The following SEPSECS variants were observed in gnomAD, a reference collection of about 807,000 sequenced individuals.
The protein encoded by SEPSECS is Sep (O-phosphoserine) tRNA:Sec (selenocysteine) tRNA synthase, also known as O-phosphoseryl-tRNA(Sec) selenium transferase.
A neutral mutation model predicts 52.1 loss-of-function variants in SEPSECS; 42 were observed. That is an observed-to-expected ratio of 0.81 (90% CI 0.63 to 1.04). The LOEUF is 1.04. Among genes scored for constraint, SEPSECS ranks in the 50% least tolerant of loss-of-function variants. SEPSECS has a pLI of 0.00. For missense variants in SEPSECS, 590 were observed against 610.6 expected (o/e 0.97, Z 0.36); for synonymous variants, 216 against 211.4 (o/e 1.02, Z -0.19).
At chr4:25,137,928 A>C (rs925589697) in intron 8 of SEPSECS, among the ~76,000 whole-genome samples, 7 of 152,162 alleles carry the variant, frequency 4.6e-5, no homozygotes, top group African/African-American at 1.7e-4. Context: ...ACATGGATGG[A>C]GCTGGAAGAC....
At chr4:25,126,404 C>T (rs932804560) in intron 9 of SEPSECS, among the ~76,000 whole-genome samples, 3 of 152,116 alleles carry the variant, frequency 2.0e-5, no homozygotes, top group African/African-American at 7.2e-5. Flanking sequence ...CATAAATCAG[C>T]AAAGGACTAA....
intron 8 of SEPSECS, among the ~76,000 whole-genome samples, chr4:25,143,912 C>T (rs1191285785): frequency 6.6e-6 from 1 of 152,182 alleles, no homozygotes; most frequent in Non-Finnish European, 1.5e-5. Flanking sequence ...ACACTGCCTG[C>T]CCTAGCTATA....
rs759782354 is a variant in SEPSECS at position 25,160,293 on chromosome 4, C to T, written c.77G>A (p.Arg26His). 11 of 1,551,924 alleles carry T rather than the reference C, an allele frequency of 7.1e-6. No individual in the cohort carries two copies. The highest frequency in any genetic ancestry group is 9.6e-6 in the Non-Finnish European group (11 of 1,147,472). The part of the protein sequence containing the change: ...AYVRQGCEAR[R>H]SHEHLIRLLL... Reference sequence around the variant, plus strand: ...CAGCCGTATGAGGTGCTCATGCGAGCGGCGGGCCTCACAGCCCTGCCGCAC... The same window carrying T: ...CAGCCGTATGAGGTGCTCATGCGAGTGGCGGGCCTCACAGCCCTGCCGCAC... The change falls in exon 1 of 11, where the codon CGC becomes CAC. Residue 26 changes from arginine (R) to histidine (H), a missense_variant. Physicochemically the swap from Arg to His is conservative, Grantham distance 29. Coordinates refer to ENST00000382103, the MANE Select transcript of SEPSECS (RefSeq NM_016955.4).
intron 9 of SEPSECS, 46 bp downstream of exon 9, chr4:25,127,218 G>T: frequency 8.3e-7 from 1 of 1,201,164 alleles, no homozygotes; most frequent in Non-Finnish European, 1.2e-6. Flanking sequence ...CTTCCTCCTA[G>T]AGTGGATCAT....
rs1475538402 is a variant in SEPSECS, at chr4:25,121,546, C to A, written c.*2385G>T. ...ACTAGCGAATTATAATAAATACATC[C>A]TTTTTAATACTTATGTGTAGAAATG... is the stretch of plus-strand genomic sequence containing the variant. On this transcript the variant is annotated 3_prime_UTR_variant, in exon 11 of 11. Transcript: ENST00000382103. 1 of 152,128 alleles carries A rather than the reference C, an allele frequency of 6.6e-6. No homozygotes were observed. Among genetic ancestry groups the A allele is most frequent in the Non-Finnish European group, 1.5e-5 (1 of 67,992 alleles). The allele number at this position is 152,128 out of a possible 1,614,324, so 9.4% of individuals were successfully genotyped here.
rs1460803878 is a variant in SEPSECS at position 25,156,046 on chromosome 4, T to G, written c.538A>C (p.Ile180Leu). 2 of 1,613,704 alleles carry G rather than the reference T, an allele frequency of 1.2e-6. No homozygotes were observed. Among genetic ancestry groups the G allele is most frequent in the African/African-American group, 2.7e-5 (2 of 75,052 alleles). The change falls in exon 4 of 11, where the codon ATC (isoleucine) becomes CTC (leucine). Residue 180 changes from isoleucine (I) to leucine (L), a missense_variant. Ile to Leu is a conservative substitution (Grantham distance 5). Transcript: ENST00000382103. The stretch of plus-strand genomic sequence containing the variant: ...ATGACACTTCTCTTACCTGCAGTGA[T>G]CATGGATTTAAAGCAGGACTTCTGG... ...IDQKSCFKSM[I>L]TAGFEPVVIE...
At chr4:25,155,265 G>GAAGA in intron 4 of SEPSECS, 114 bp from the exon 5 acceptor site, 1 of 1,161,458 alleles carries the variant, frequency 8.6e-7, no homozygotes, top group Non-Finnish European at 1.2e-6. Context: ...TATTTTGGTA[G>GAAGA]ATTAACCTTC....
intron 3 of SEPSECS, among the ~76,000 whole-genome samples, chr4:25,156,500 C>G (rs1016888971): frequency 5.3e-5 from 8 of 151,394 alleles, no homozygotes; most frequent in Non-Finnish European, 8.8e-5. Context: ...GTCAGGAGAT[C>G]GAGACCATCC....
rs1712699827 is a variant in SEPSECS, at chr4:25,156,970, T to C, written c.274A>G (p.Ile92Val). ...TCACCGGATCGTCCAATGCCATGAA[T>C]GAACCTAAGCAAAAAATGGGCCAAA... ...ALVARRHYRF[I>V]HGIGRSGDIS... The change falls in exon 3 of 11, where the codon ATT becomes GTT. Residue 92 changes from isoleucine to valine, a missense_variant. By Grantham distance (29) the Ile-to-Val change is conservative. Coordinates refer to ENST00000382103, the MANE Select transcript of SEPSECS (RefSeq NM_016955.4). 1 of 1,591,402 alleles carries C rather than the reference T, an allele frequency of 6.3e-7. No individual in the cohort carries two copies. The highest frequency in any genetic ancestry group is 8.6e-7 in the Non-Finnish European group (1 of 1,159,394).
chr4:25,140,654 G>A (rs574650609), intron 8 of SEPSECS, among the ~76,000 whole-genome samples: 37 of 152,256 alleles, frequency 2.4e-4, no homozygotes, highest in Non-Finnish European at 4.6e-4. Context: ...TCAGTATTAC[G>A]TGTAATTATT....
At chr4:25,128,901 C>T (rs1373351208) in intron 8 of SEPSECS, among the ~76,000 whole-genome samples, 10 of 152,116 alleles carry the variant, frequency 6.6e-5, no homozygotes, top group Admixed American at 6.6e-4. Context: ...GTCTGAAGCA[C>T]ACAGATGACT....
At chr4:25,124,992 G>C (rs952841397) in intron 10 of SEPSECS, among the ~76,000 whole-genome samples, 1 of 152,044 alleles carries the variant, frequency 6.6e-6, no homozygotes, top group African/African-American at 2.4e-5. Context: ...AACCATTTTA[G>C]AAGTGTCAAA....
intron 6 of SEPSECS, among the ~76,000 whole-genome samples, chr4:25,148,026 T>A (rs1416266138): frequency 6.6e-6 from 1 of 152,104 alleles, no homozygotes; most frequent in Non-Finnish European, 1.5e-5. Flanking sequence ...GAAGTACACC[T>A]TAAATTGTCA....
At chr4:25,133,095 T>C (rs1435412824) in intron 8 of SEPSECS, among the ~76,000 whole-genome samples, 1 of 152,074 alleles carries the variant, frequency 6.6e-6, no homozygotes, top group Non-Finnish European at 1.5e-5. Flanking sequence ...TTCATAAAAA[T>C]GTTAGCTCCC....
At position 25,125,789 on chromosome 4, in the gene SEPSECS, A is replaced by C. The variant is rs920090126; in HGVS notation, c.1121-5T>G. On this transcript the variant is annotated splice_region_variant and splice_polypyrimidine_tract_variant and intron_variant, in intron 9 of 10. Coordinates refer to ENST00000382103, the MANE Select transcript of SEPSECS (RefSeq NM_016955.4). ...CTAGTGTTTTAAGTGTCATAGCTGA[A>C]AAAGAAAAAAGTATCCTAATAAGCC... 1 of 1,591,482 alleles carries C rather than the reference A, an allele frequency of 6.3e-7. No individual in the cohort carries two copies. Among genetic ancestry groups the C allele is most frequent in the African/African-American group, 1.3e-5 (1 of 74,480 alleles).
In SEPSECS at chr4:25,159,013, C is replaced by T; in HGVS notation, c.209G>A (p.Cys70Tyr). 1 of 1,613,608 alleles carries T rather than the reference C, an allele frequency of 6.2e-7. No individual in the cohort carries two copies. Among genetic ancestry groups the T allele is most frequent in the Non-Finnish European group, 8.5e-7 (1 of 1,179,850 alleles). ...IMDSNNFLGN[C>Y]GVGEREGRVA... ...TCTCCCTTCCCTTTCTCCCACACCA[C>T]AATTGCCTAAGAAATTGTTGCTGTC... is the stretch of plus-strand genomic sequence containing the variant. The change falls in exon 2 of 11, where the codon TGT becomes TAT. Residue 70 changes from cysteine (C) to tyrosine (Y), a missense_variant. Cys to Tyr is a radical substitution (Grantham distance 194). Coordinates refer to ENST00000382103, the MANE Select transcript of SEPSECS (RefSeq NM_016955.4).
intron 1 of SEPSECS, chr4:25,159,673 G>A (rs901612017): frequency 3.5e-5 from 14 of 395,618 alleles, no homozygotes; most frequent in African/African-American, 2.2e-4. Context: ...TCGGGAGGCT[G>A]AGGCAGGCGA....
At chr4:25,150,882 C>T (rs1273601586) in intron 6 of SEPSECS, among the ~76,000 whole-genome samples, 1 of 152,044 alleles carries the variant, frequency 6.6e-6, no homozygotes, top group Non-Finnish European at 1.5e-5. Context: ...TGGCACACAC[C>T]TGTGGTCCCA....
intron 8 of SEPSECS, among the ~76,000 whole-genome samples, chr4:25,129,790 GTAACACACCAGGGT>G (rs1415174898): frequency 6.6e-6 from 1 of 152,070 alleles, no homozygotes; most frequent in Non-Finnish European, 1.5e-5. Flanking sequence ...TAATTTTTTA[GTAACACACCAGGGT>G]TAATAAAGAG....
Sources: allele counts gnomAD v4.1 joint callset (sites outside exome capture counted in the v4.1 genomes callset), GRCh38; gene constraint gnomAD v4.1.1; transcripts MANE v1.5; gene names NCBI Gene and HGNC (gene_info 2026-07-23, HGNC 2026-07-21).